The following CPEB3 variants were observed in gnomAD, a reference collection of about 807,000 sequenced individuals.
CPEB3 encodes the protein cytoplasmic polyadenylation element-binding protein 3.
CPEB3 carries 20 observed loss-of-function variants against 67.2 expected under a neutral mutation model. The observed-to-expected ratio is 0.30, with a 90% CI of 0.21 to 0.43. The LOEUF is 0.43. Among genes scored for constraint, CPEB3 ranks in the 20% least tolerant of loss-of-function variants. The pLI is 1.00. For missense variants in CPEB3, 746 were observed against 968.6 expected (o/e 0.77, Z 3.05); for synonymous variants, 376 against 393.1 (o/e 0.96, Z 0.51).
intron 9 of CPEB3, among the ~76,000 whole-genome samples, chr10:92,067,227 G>A (rs948690291): frequency 6.6e-6 from 1 of 152,104 alleles, no homozygotes; most frequent in African/African-American, 2.4e-5. Flanking sequence ...GTGGCCAGGC[G>A]CAGTGGCACA....
chr10:92,088,583 T>C (rs188736256), intron 8 of CPEB3, among the ~76,000 whole-genome samples: 1 of 152,162 alleles, frequency 6.6e-6, no homozygotes, highest in East Asian at 1.9e-4. Context: ...TCAGAATAAC[T>C]ATCAGTGATA....
chr10:92,117,068 A>T (rs533603775), intron 6 of CPEB3, among the ~76,000 whole-genome samples: 9 of 152,306 alleles, frequency 5.9e-5, no homozygotes, highest in Non-Finnish European at 1.0e-4. Flanking sequence ...TCTGTCGCCC[A>T]GGCTGGAGTG....
At chr10:92,059,248 C>T (rs1161608568) in intron 9 of CPEB3, among the ~76,000 whole-genome samples, 2 of 146,148 alleles carry the variant, frequency 1.4e-5, no homozygotes, top group Non-Finnish European at 3.0e-5. Flanking sequence ...TCGCTTGAAC[C>T]TGGGAGGTGG....
At chr10:92,110,948 T>C (rs1297199108) in intron 7 of CPEB3, 128 bp downstream of exon 7, 3 of 747,146 alleles carry the variant, frequency 4.0e-6, no homozygotes, top group South Asian at 1.5e-5. Flanking sequence ...CCAACTCTAC[T>C]GCATAGCAAG....
chr10:92,098,732 A>AT lies in CPEB3; in HGVS notation c.1573-6789dup, dbSNP rs199590805. ...GTTTTCTGGCTAAACTGTATAAAAG[A>AT]TATGTTACCAAACCAGTTTAACTAT... On this transcript the variant is annotated intron_variant, in intron 7 of 9. Transcript: ENST00000265997. Among the ~76,000 whole-genome samples, 1,298 of 149,928 alleles carry AT rather than the reference A, an allele frequency of 8.7e-3. 21 individuals carry two copies. The highest frequency in any genetic ancestry group is 0.03 in the African/African-American group (1,211 of 40,808).
chr10:92,259,296 C>T (rs1170032939), intron 1 of CPEB3, among the ~76,000 whole-genome samples: 1 of 151,784 alleles, frequency 6.6e-6, no homozygotes, highest in Admixed American at 6.6e-5. Flanking sequence ...TGCTCAAACC[C>T]TACCTCCTAA....
chr10:92,198,990 A>G (rs535996486), intron 2 of CPEB3, among the ~76,000 whole-genome samples: 10 of 152,390 alleles, frequency 6.6e-5, no homozygotes, highest in African/African-American at 2.2e-4. Flanking sequence ...CATTGAAAAC[A>G]GAAAAACTTT....
chr10:92,276,124 A>G (rs1841972768), intron 1 of CPEB3, among the ~76,000 whole-genome samples: 1 of 152,026 alleles, frequency 6.6e-6, no homozygotes, highest in Non-Finnish European at 1.5e-5. Context: ...CTGGGATTAC[A>G]GGTGTGAGCC....
Position 92,247,561 on chromosome 10 carries a change from C to A in CPEB3, c.-11-7200G>T, listed in dbSNP as rs542596892. Among the ~76,000 whole-genome samples the A allele has an allele frequency of 7.8e-4, 118 of 152,228 alleles. 1 individual carries two copies. The highest frequency in any genetic ancestry group is 1.3e-3 in the Admixed American group (20 of 15,274). On this transcript the variant is annotated intron_variant, in intron 1 of 9. Coordinates refer to ENST00000265997, the MANE Select transcript of CPEB3 (RefSeq NM_014912.5). ...TACAGGCATGTGCCACCATGCCCAGCTAATTTTGTATTTTTAGTAGAGATG... is the reference window on the plus strand; with the variant it reads ...TACAGGCATGTGCCACCATGCCCAGATAATTTTGTATTTTTAGTAGAGATG...
chr10:92,102,746 C>T (rs1258048445), intron 7 of CPEB3, among the ~76,000 whole-genome samples: 3 of 152,236 alleles, frequency 2.0e-5, no homozygotes, highest in Non-Finnish European at 2.9e-5. Context: ...CAACACCTCT[C>T]TAAAGGCTTT....
At position 92,192,463 on chromosome 10, in the gene CPEB3, T is replaced by C. The variant is rs1301308586; in HGVS notation, c.1165+14A>G. The C allele has an allele frequency of 1.3e-6, 2 of 1,594,116 alleles. No homozygotes were observed. The highest frequency in any genetic ancestry group is 1.3e-5 in the African/African-American group (1 of 74,250). ...AAACACCAAGCAAGAAATGGACATATGAATATTCCTAACCTGCAAAATGAT... is the reference window on the plus strand; with the variant it reads ...AAACACCAAGCAAGAAATGGACATACGAATATTCCTAACCTGCAAAATGAT... On this transcript the variant is annotated intron_variant, in intron 3 of 9. Coordinates refer to ENST00000265997, the MANE Select transcript of CPEB3 (RefSeq NM_014912.5).
intron 1 of CPEB3, among the ~76,000 whole-genome samples, chr10:92,277,630 C>G (rs556616635): frequency 6.6e-6 from 1 of 152,274 alleles, no homozygotes; most frequent in South Asian, 2.1e-4. Context: ...GTGGCTCATG[C>G]CCGTAATCCG....
At chr10:92,216,843 C>G in intron 2 of CPEB3, 2 of 1,559,988 alleles carry the variant, frequency 1.3e-6, no homozygotes, top group Non-Finnish European at 1.8e-6. Flanking sequence ...ACTGGGCTGA[C>G]GGCAGGACGA....
At chr10:92,214,857 TC>T (rs1416085693) in intron 2 of CPEB3, among the ~76,000 whole-genome samples, 5 of 152,044 alleles carry the variant, frequency 3.3e-5, no homozygotes, top group Non-Finnish European at 7.4e-5. Context: ...TTTTGTTATT[TC>T]TTTTTTTTGA....
At chr10:92,282,563 C>T (rs1842345224) in intron 1 of CPEB3, among the ~76,000 whole-genome samples, 1 of 152,050 alleles carries the variant, frequency 6.6e-6, no homozygotes, top group Non-Finnish European at 1.5e-5. Flanking sequence ...TGGCGCGTGC[C>T]TGTAATCCCA....
chr10:92,250,932 C>T (rs747095803), intron 1 of CPEB3, among the ~76,000 whole-genome samples: 1 of 122,850 alleles, frequency 8.1e-6, no homozygotes, highest in Admixed American at 1.1e-4. Flanking sequence ...GGGAAACTTT[C>T]GTTGCCCAGG....
intron 2 of CPEB3, among the ~76,000 whole-genome samples, chr10:92,217,850 G>C (rs374383101): frequency 6.6e-6 from 1 of 152,320 alleles, no homozygotes; most frequent in Non-Finnish European, 1.5e-5. Flanking sequence ...AAATCAAAGA[G>C]GTCAGGCCTG....
At chr10:92,151,346 G>A (rs1296720397) in intron 4 of CPEB3, among the ~76,000 whole-genome samples, 1 of 152,112 alleles carries the variant, frequency 6.6e-6, no homozygotes, top group Non-Finnish European at 1.5e-5. Context: ...AAGTAGCTCA[G>A]CAATCAGTCA....
At chr10:92,232,905 A>G (rs1851342480) in intron 2 of CPEB3, among the ~76,000 whole-genome samples, 2 of 152,234 alleles carry the variant, frequency 1.3e-5, no homozygotes, top group African/African-American at 4.8e-5. Flanking sequence ...AAGAGTTTAA[A>G]CAAGGCTAAC....
Sources: gnomAD v4.1 joint callset for allele counts (sites outside exome capture counted in the v4.1 genomes callset) on GRCh38, gnomAD v4.1.1 for gene constraint, MANE v1.5 for transcripts, NCBI Gene and HGNC (gene_info 2026-07-23, HGNC 2026-07-21) for gene names.